Variants in SRD5A2 observed in about 807,000 individuals in gnomAD.
SRD5A2 encodes the protein steroid 5 alpha-reductase 2.
In SRD5A2, 30 loss-of-function variants were observed where a neutral mutation model predicts 27.4. That is an observed-to-expected ratio of 1.10 (90% CI 0.82 to 1.49). SRD5A2 has a LOEUF of 1.49. Ranked by LOEUF, SRD5A2 falls within the 40% of genes most tolerant of loss-of-function variation. The pLI, the probability that SRD5A2 is intolerant of heterozygous loss-of-function variation, is 0.00. For synonymous variants in SRD5A2, 141 were observed against 133.6 expected, an observed-to-expected ratio of 1.06 and a Z score of -0.38; for missense variants, 348 against 323.4, an observed-to-expected ratio of 1.08 and a Z score of -0.58.
intron 1 of SRD5A2, among the ~76,000 whole-genome samples, chr2:31,562,599 T>G (rs3819844): frequency 0.12 from 18,869 of 152,126 alleles, 1,275 homozygotes; most frequent in Middle Eastern, 0.19. Flanking sequence ...TTTGAGAACT[T>G]TTAAAAAGTT....
intron 1 of SRD5A2, among the ~76,000 whole-genome samples, chr2:31,575,242 T>C (rs566083105): frequency 6.6e-6 from 1 of 152,334 alleles, no homozygotes; most frequent in East Asian, 1.9e-4. Context: ...TACTTCTGAA[T>C]AGTTGAGACA....
chr2:31,660,445 C>T, the SRD5A2 span, among the ~76,000 whole-genome samples: 3 of 152,134 alleles, frequency 2.0e-5, no homozygotes, highest in African/African-American at 7.2e-5. Flanking sequence ...GTGCATGAGT[C>T]ATACACACAT....
the SRD5A2 span, among the ~76,000 whole-genome samples, chr2:31,645,138 C>T: frequency 6.6e-6 from 1 of 152,030 alleles, no homozygotes; most frequent in Non-Finnish European, 1.5e-5. Flanking sequence ...CATTTTGAGC[C>T]ACGTGTTTCA....
chr2:31,535,012 T>C (rs917665493), intron 1 of SRD5A2, among the ~76,000 whole-genome samples: 1 of 150,622 alleles, frequency 6.6e-6, no homozygotes, highest in Non-Finnish European at 1.5e-5. Flanking sequence ...TGTTGCATTA[T>C]GTGTGAGTCA....
the SRD5A2 span, among the ~76,000 whole-genome samples, chr2:31,600,491 A>G: frequency 6.6e-6 from 1 of 151,972 alleles, no homozygotes; most frequent in Non-Finnish European, 1.5e-5. Flanking sequence ...CAACATAACC[A>G]GCATCTGTTA....
intron 1 of SRD5A2, among the ~76,000 whole-genome samples, chr2:31,566,974 C>G (rs557574254): frequency 6.6e-6 from 1 of 152,240 alleles, no homozygotes; most frequent in African/African-American, 2.4e-5. Context: ...TGGATTAAAT[C>G]AGAGTGTACT....
intron 1 of SRD5A2, among the ~76,000 whole-genome samples, chr2:31,571,930 A>G (rs1160899903): frequency 6.6e-6 from 1 of 151,960 alleles, no homozygotes; most frequent in East Asian, 1.9e-4. Flanking sequence ...GAATTTCTCA[A>G]ATAATTTAAA....
At chr2:31,626,222 T>C in the SRD5A2 span, among the ~76,000 whole-genome samples, 1 of 152,200 alleles carries the variant, frequency 6.6e-6, no homozygotes, top group Non-Finnish European at 1.5e-5. Flanking sequence ...CCTGAGACTT[T>C]GTTGAAGTTG....
chr2:31,598,512 AG>A, the SRD5A2 span, among the ~76,000 whole-genome samples: 1 of 151,966 alleles, frequency 6.6e-6, no homozygotes, highest in South Asian at 2.1e-4. Context: ...AAAAAAAAGA[AG>A]GGGGAAAAAT....
At chr2:31,626,232 G>A in the SRD5A2 span, among the ~76,000 whole-genome samples, 1 of 152,254 alleles carries the variant, frequency 6.6e-6, no homozygotes, top group South Asian at 2.1e-4. Context: ...TGTTGAAGTT[G>A]CTTATCAGCT....
chr2:31,620,093 T>C, the SRD5A2 span, among the ~76,000 whole-genome samples: 1 of 152,120 alleles, frequency 6.6e-6, no homozygotes, highest in African/African-American at 2.4e-5. Flanking sequence ...AAGTCTTTAA[T>C]CCATCTTGAG....
At chr2:31,613,049 A>T in the SRD5A2 span, among the ~76,000 whole-genome samples, 1 of 152,204 alleles carries the variant, frequency 6.6e-6, no homozygotes, top group Non-Finnish European at 1.5e-5. Context: ...CATAAGGCTT[A>T]AAACTGTAAA....
At position 31,526,108 on chromosome 2, in the gene SRD5A2, A is replaced by ATATATATATATATATATATGT; in HGVS notation, c.*87_*88insACATATATATATATATATATA. 1 of 811,872 alleles carries ATATATATATATATATATATGT rather than the reference A, an allele frequency of 1.2e-6. No homozygotes were observed. Among genetic ancestry groups the ATATATATATATATATATATGT allele is most frequent in the Non-Finnish European group, 2.0e-6 (1 of 506,690 alleles). 50.3% of individuals were successfully genotyped at this position (811,872 alleles called of 1,614,324 possible). On this transcript the variant is annotated 3_prime_UTR_variant, in exon 5 of 5. Transcript: ENST00000622030. ...AGACCTACTATTACATATATACGGG[A>ATATATATATATATATATATGT]CTATTATATCATGAAAATTACAGTT...
At chr2:31,605,575 C>T in the SRD5A2 span, among the ~76,000 whole-genome samples, 1 of 151,732 alleles carries the variant, frequency 6.6e-6, no homozygotes, top group African/African-American at 2.4e-5. Flanking sequence ...TAGGGTAATA[C>T]AAATGAAAAC....
intron 1 of SRD5A2, among the ~76,000 whole-genome samples, chr2:31,566,558 G>C (rs1208130892): frequency 6.6e-6 from 1 of 152,192 alleles, no homozygotes; most frequent in Non-Finnish European, 1.5e-5. Flanking sequence ...ATAATAGTTT[G>C]GACTTTGCCA....
intron 1 of SRD5A2, among the ~76,000 whole-genome samples, chr2:31,567,635 C>A (rs1220629344): frequency 6.6e-6 from 1 of 152,024 alleles, no homozygotes; most frequent in Non-Finnish European, 1.5e-5. Flanking sequence ...CTTTGTGTCA[C>A]CATAGATTAG....
At chr2:31,534,688 A>T (rs1665988689) in intron 1 of SRD5A2, among the ~76,000 whole-genome samples, 1 of 152,216 alleles carries the variant, frequency 6.6e-6, no homozygotes, top group African/African-American at 2.4e-5. Flanking sequence ...CAGAGCATTC[A>T]TCTGATCTTT....
intron 1 of SRD5A2, among the ~76,000 whole-genome samples, chr2:31,569,483 T>A (rs1008825035): frequency 6.6e-6 from 1 of 152,172 alleles, no homozygotes. Flanking sequence ...TAATTTGCAT[T>A]TCCCTAATCA....
the SRD5A2 span, among the ~76,000 whole-genome samples, chr2:31,621,162 C>T: frequency 1.3e-5 from 2 of 151,786 alleles, no homozygotes; most frequent in Non-Finnish European, 2.9e-5. Context: ...TACAATAGCA[C>T]AACCAGATTA....
Sources: gnomAD v4.1 joint callset for allele counts (sites outside exome capture counted in the v4.1 genomes callset) on GRCh38, gnomAD v4.1.1 for gene constraint, MANE v1.5 for transcripts, NCBI Gene and HGNC (gene_info 2026-07-23, HGNC 2026-07-21) for gene names.